The following SLC25A12 variants were observed in gnomAD, a reference collection of about 807,000 sequenced individuals.
SLC25A12 encodes the protein electrogenic aspartate/glutamate antiporter SLC25A12, mitochondrial.
In SLC25A12, 32 loss-of-function variants were observed where a neutral mutation model predicts 83.3. The ratio of observed to expected loss-of-function variants is 0.38; its 90% CI spans 0.29 to 0.52. The LOEUF (loss-of-function observed/expected upper bound fraction) is 0.52. SLC25A12 is among the 20% of genes least tolerant of loss of function. SLC25A12 has a pLI of 0.84. For synonymous variants in SLC25A12, 267 were observed against 291.1 expected (o/e 0.92, Z 0.84); for missense variants, 611 against 835.6 (o/e 0.73, Z 3.31).
chr2:171,855,236 C>T (rs1425231373), intron 4 of SLC25A12, among the ~76,000 whole-genome samples: 1 of 152,146 alleles, frequency 6.6e-6, no homozygotes, highest in Non-Finnish European at 1.5e-5. Flanking sequence ...CTAGTGTATA[C>T]ACCTGTGAAA....
chr2:171,830,662 C>T (rs1684413409), intron 8 of SLC25A12, among the ~76,000 whole-genome samples: 1 of 152,110 alleles, frequency 6.6e-6, no homozygotes, highest in South Asian at 2.1e-4. Context: ...TACAGATGCA[C>T]ACCACCACAC....
At chr2:171,889,555 A>G (rs747209074) in intron 2 of SLC25A12, among the ~76,000 whole-genome samples, 1 of 152,172 alleles carries the variant, frequency 6.6e-6, no homozygotes, top group African/African-American at 2.4e-5. Flanking sequence ...CAATTTGCCT[A>G]CTCAGAAACC....
intron 15 of SLC25A12, among the ~76,000 whole-genome samples, chr2:171,790,364 A>G (rs932188220): frequency 1.6e-4 from 25 of 152,116 alleles, no homozygotes; most frequent in East Asian, 1.4e-3. Flanking sequence ...TTGTCTTTTC[A>G]GAGTGTTGGT....
At chr2:171,819,984 C>T (rs1387530395) in intron 9 of SLC25A12, among the ~76,000 whole-genome samples, 4 of 152,128 alleles carry the variant, frequency 2.6e-5, no homozygotes, top group Non-Finnish European at 4.4e-5. Context: ...AAGCCAAATA[C>T]CGTATGTTCT....
At chr2:171,869,945 C>T (rs1227332072) in intron 2 of SLC25A12, among the ~76,000 whole-genome samples, 1 of 152,232 alleles carries the variant, frequency 6.6e-6, no homozygotes, top group East Asian at 1.9e-4. Flanking sequence ...GAATTAAGGG[C>T]ATCATGCTCC....
chr2:171,860,281 T>G (rs971910534), intron 3 of SLC25A12, among the ~76,000 whole-genome samples: 3 of 152,122 alleles, frequency 2.0e-5, no homozygotes, highest in African/African-American at 7.2e-5. Context: ...GTCCTACATT[T>G]AAAGAAAAAC....
intron 2 of SLC25A12, among the ~76,000 whole-genome samples, chr2:171,890,923 CA>C (rs1685920687): frequency 1.3e-5 from 2 of 152,078 alleles, no homozygotes; most frequent in Non-Finnish European, 2.9e-5. Flanking sequence ...CACAAATTTT[CA>C]ACATAAAAAT....
At chr2:171,869,049 TATG>T (rs529619632) in intron 2 of SLC25A12, among the ~76,000 whole-genome samples, 99 of 152,310 alleles carry the variant, frequency 6.5e-4, no homozygotes, top group East Asian at 2.9e-3. Context: ...TTGAAAACAT[TATG>T]ATAAGTGAAA....
intron 9 of SLC25A12, among the ~76,000 whole-genome samples, chr2:171,820,185 T>C (rs1269693295): frequency 1.3e-5 from 2 of 152,216 alleles, no homozygotes; most frequent in Non-Finnish European, 2.9e-5. Context: ...CACGTTTACC[T>C]ATGTAACAAA....
chr2:171,834,706 A>G (rs1240124270), intron 7 of SLC25A12, 21 bp downstream of exon 7: 2 of 1,610,470 alleles, frequency 1.2e-6, no homozygotes, highest in Non-Finnish European at 1.7e-6. Flanking sequence ...ATTCTTATTT[A>G]TGTATATTTT....
Position 171,785,031 on chromosome 2 carries a change from T to C in SLC25A12, c.*243A>G, listed in dbSNP as rs1690460921. 1.7e-5 allele frequency: 8 copies of C among 464,194 alleles called. No homozygotes were observed. Among genetic ancestry groups the C allele is most frequent in the South Asian group, 1.6e-4 (8 of 48,878 alleles). The allele number at this position is 464,194 out of a possible 1,614,324, so 28.8% of individuals were successfully genotyped here. A position where few individuals can be genotyped will look rare whatever the true frequency, so the allele number is the denominator to read the frequency against. On this transcript the variant is annotated 3_prime_UTR_variant, in exon 18 of 18. Transcript: ENST00000422440. ...CTGTGCAAAGCAGAGTCTAGAACACTAATTCATGCCAAGGCTTACAAAAAC... is the reference window on the plus strand; with the variant it reads ...CTGTGCAAAGCAGAGTCTAGAACACCAATTCATGCCAAGGCTTACAAAAAC...
intron 9 of SLC25A12, among the ~76,000 whole-genome samples, chr2:171,825,821 G>A (rs1684289060): frequency 6.6e-6 from 1 of 152,224 alleles, no homozygotes; most frequent in Admixed American, 6.5e-5. Flanking sequence ...AACTTAAAAC[G>A]AGATTTATTA....
At chr2:171,828,276 TAGTTAA>T (rs1684353955) in intron 8 of SLC25A12, among the ~76,000 whole-genome samples, 1 of 152,220 alleles carries the variant, frequency 6.6e-6, no homozygotes. Flanking sequence ...CTATCTTTCC[TAGTTAA>T]AGTCCCTAAT....
rs1317707358 is a variant in SLC25A12 at position 171,813,348 on chromosome 2, G to A, written c.1162C>T (p.Leu388Phe). The change falls in exon 11 of 18, where the codon CTC becomes TTC. Residue 388 changes from leucine to phenylalanine, a missense_variant. Coordinates refer to ENST00000422440, the MANE Select transcript of SLC25A12 (RefSeq NM_003705.5). ...KVLRYEGFFG[L>F]YRGLIPQLIG... ...GGATTTGCTTACTCACCCCTGTAGA[G>A]TCCAAAGAAGCCCTCATAACGCAAG... is the stretch of plus-strand genomic sequence containing the variant. 6.2e-7 allele frequency: 1 copy of A among 1,613,878 alleles called. No homozygotes were observed. The highest frequency in any genetic ancestry group is 2.2e-5 in the East Asian group (1 of 44,892).
chr2:171,841,272 G>A, intron 5 of SLC25A12, among the ~76,000 whole-genome samples: 1 of 151,952 alleles, frequency 6.6e-6, no homozygotes, highest in Non-Finnish European at 1.5e-5. Context: ...TAGAGACAGG[G>A]TTTCACCATG....
chr2:171,865,524 G>C (rs1188987932), intron 3 of SLC25A12, among the ~76,000 whole-genome samples: 4 of 151,916 alleles, frequency 2.6e-5, no homozygotes, highest in Non-Finnish European at 5.9e-5. Flanking sequence ...AGCCAGGTGT[G>C]GTGGCACATA....
chr2:171,853,422 T>TCG (rs1558932186), intron 4 of SLC25A12, among the ~76,000 whole-genome samples: 1 of 151,852 alleles, frequency 6.6e-6, no homozygotes, highest in Admixed American at 6.6e-5. Flanking sequence ...ACGCCTGTAA[T>TCG]CTCAGCACTT....
intron 3 of SLC25A12, among the ~76,000 whole-genome samples, chr2:171,863,585 G>A (rs1180466065): frequency 2.6e-5 from 4 of 151,598 alleles, no homozygotes; most frequent in Non-Finnish European, 5.9e-5. Flanking sequence ...ACTCAGCCTA[G>A]GAGAACCACA....
chr2:171,790,053 G>A (rs541954233), intron 15 of SLC25A12, among the ~76,000 whole-genome samples: 1 of 152,322 alleles, frequency 6.6e-6, no homozygotes, highest in East Asian at 1.9e-4. Context: ...CCCCAAATAA[G>A]GGCGGTAAGT....
Sources: gnomAD v4.1 joint callset for allele counts (sites outside exome capture counted in the v4.1 genomes callset) on GRCh38, gnomAD v4.1.1 for gene constraint, MANE v1.5 for transcripts, NCBI Gene and HGNC (gene_info 2026-07-23, HGNC 2026-07-21) for gene names.